EIF4G3: variants seen among roughly 807,000 people sequenced by gnomAD.
EIF4G3 encodes eukaryotic translation initiation factor 4 gamma 3, also known as eIF-4-gamma 3.
EIF4G3 carries 34 observed loss-of-function variants against 186.4 expected under a neutral mutation model. That is an observed-to-expected ratio of 0.18 (90% CI 0.14 to 0.24). EIF4G3 has a LOEUF of 0.24. Among genes scored for constraint, EIF4G3 ranks in the 10% least tolerant of loss-of-function variants. EIF4G3 has a pLI of 1.00. For synonymous variants in EIF4G3, 673 were observed against 679.5 expected (o/e 0.99, Z 0.15); for missense variants, 1,536 against 1,948.5 (o/e 0.79, Z 3.99).
chr1:21,176,720 A>T lies in EIF4G3; in HGVS notation c.-456+2T>A. On this transcript the variant is annotated splice_donor_variant, in intron 1 of 36. Coordinates refer to ENST00000602326, the MANE Select transcript of EIF4G3 (RefSeq NM_001391906.1). LOFTEE classifies it low-confidence loss of function (5UTR_SPLICE). ...CGGGGGCAGGAGGCGGAGAGACCGG[A>T]CCTTTCACGGCAATATCCTCATGGG... 1.5e-6 allele frequency: 1 copy of T among 675,570 alleles called. No homozygotes were observed. The highest frequency in any genetic ancestry group is 2.7e-6 in the Non-Finnish European group (1 of 373,342). 41.8% of individuals were successfully genotyped at this position (675,570 alleles called of 1,614,324 possible). A position where few individuals can be genotyped will look rare whatever the true frequency, so the allele number is the denominator to read the frequency against.
intron 19 of EIF4G3, among the ~76,000 whole-genome samples, chr1:20,883,125 T>C (rs1040468860): frequency 6.6e-6 from 1 of 151,174 alleles, no homozygotes; most frequent in Non-Finnish European, 1.5e-5. Flanking sequence ...ATCTAGTTGA[T>C]GTCCAGTAAA....
chr1:20,855,331 T>TGGTTTATGAATTTGCTAACTGTAATAAGC (rs2074561656), intron 25 of EIF4G3, among the ~76,000 whole-genome samples: 2 of 152,204 alleles, frequency 1.3e-5, no homozygotes, highest in Non-Finnish European at 2.9e-5. Flanking sequence ...CTGTTTAAGA[T>TGGTTTATGAATTTGCTAACTGTAATAAGC]GGTTTATGAA....
chr1:20,951,478 C>T (rs115883798), intron 12 of EIF4G3, among the ~76,000 whole-genome samples: 2,541 of 152,110 alleles, frequency 0.017, 39 homozygotes, highest in Non-Finnish European at 0.023. Flanking sequence ...AATAGCACTG[C>T]TGTAATTACT....
intron 17 of EIF4G3, 46 bp downstream of exon 17, chr1:20,895,322 C>A: frequency 6.3e-7 from 1 of 1,585,492 alleles, no homozygotes; most frequent in South Asian, 1.1e-5. Context: ...TAGTTAAAAT[C>A]AGTTCCCACC....
chr1:21,174,111 T>G (rs747295721), intron 2 of EIF4G3, among the ~76,000 whole-genome samples: 1 of 152,218 alleles, frequency 6.6e-6, no homozygotes, highest in Non-Finnish European at 1.5e-5. Context: ...AAGATTAATT[T>G]TAGCTTCAAT....
intron 4 of EIF4G3, among the ~76,000 whole-genome samples, chr1:21,023,145 GAC>G (rs1241397418): frequency 6.6e-6 from 1 of 151,912 alleles, no homozygotes; most frequent in Admixed American, 6.6e-5. Flanking sequence ...AGTTGAAAAA[GAC>G]ACGATTCCTA....
chr1:20,874,248 TC>T (rs1419321274), intron 20 of EIF4G3, among the ~76,000 whole-genome samples: 3 of 152,170 alleles, frequency 2.0e-5, no homozygotes, highest in Non-Finnish European at 4.4e-5. Flanking sequence ...TGGTTCTAGA[TC>T]CTTGAGGAAT....
intron 10 of EIF4G3, among the ~76,000 whole-genome samples, chr1:20,974,324 T>C (rs2076426583): frequency 6.6e-6 from 1 of 152,202 alleles, no homozygotes; most frequent in Non-Finnish European, 1.5e-5. Flanking sequence ...TCTTGGGGCA[T>C]TCCATGTCTA....
rs796708744 is a variant in EIF4G3 at position 20,980,022 on chromosome 1, G to C, written c.493+312C>G. Among the ~76,000 whole-genome samples, 7 of 152,246 alleles carry C rather than the reference G, an allele frequency of 4.6e-5. No homozygotes were observed. In the East Asian group the frequency reaches 9.7e-4, roughly 21 times the overall value. On this transcript the variant is annotated intron_variant, in intron 10 of 36. Coordinates refer to ENST00000602326, the MANE Select transcript of EIF4G3 (RefSeq NM_001391906.1). ...TAAAGTGCTGGGATTACAGGCGTGA[G>C]CCACCGCGCCCAGCCAAAAAATTAC... is the stretch of plus-strand genomic sequence containing the variant.
intron 3 of EIF4G3, among the ~76,000 whole-genome samples, chr1:21,056,793 T>C (rs763279184): frequency 4.6e-5 from 7 of 152,220 alleles, no homozygotes; most frequent in Non-Finnish European, 1.0e-4. Context: ...TTCTCAATTA[T>C]GAAGGCTGGG....
chr1:21,176,145 G>T, intron 2 of EIF4G3, 30 bp downstream of exon 2: 1 of 370,920 alleles, frequency 2.7e-6, no homozygotes. Flanking sequence ...GACGAGAACC[G>T]AAGGGCCGAC....
chr1:20,877,353 A>C (rs11582426), intron 20 of EIF4G3, among the ~76,000 whole-genome samples: 1,563 of 152,340 alleles, frequency 0.01, 8 homozygotes, highest in Middle Eastern at 0.017. Flanking sequence ...TGAGTTAAAT[A>C]ATCCCTGATT....
At chr1:21,101,824 G>A (rs1346124906) in intron 2 of EIF4G3, among the ~76,000 whole-genome samples, 2 of 151,900 alleles carry the variant, frequency 1.3e-5, no homozygotes, top group African/African-American at 4.8e-5. Flanking sequence ...CAAATAATTT[G>A]TATTCTGCAA....
In EIF4G3 at chr1:20,899,770, C is replaced by G. The variant is rs781480996; in HGVS notation, c.1926G>C (p.Glu642Asp). The G allele has an allele frequency of 1.2e-6, 2 of 1,614,012 alleles. No homozygotes were observed. Among genetic ancestry groups the G allele is most frequent in the South Asian group, 2.2e-5 (2 of 91,088 alleles). Reference protein sequence around the residue: ...PVRNGAESVSEGEGIDANSGS... With the variant: ...PVRNGAESVSDGEGIDANSGS... ...CTGAATTAGCATCTATTCCTTCACCCTCAGAAACACTCTCAGCACCATTAC... is the reference window on the plus strand; with the variant it reads ...CTGAATTAGCATCTATTCCTTCACCGTCAGAAACACTCTCAGCACCATTAC... Residue 642 changes from glutamate to aspartate, a missense_variant, in exon 16 of 37, where the codon GAG (glutamate) becomes GAC (aspartate). Coordinates refer to ENST00000602326, the MANE Select transcript of EIF4G3 (RefSeq NM_001391906.1).
chr1:20,810,664 A>G lies in EIF4G3; in HGVS notation c.4744+74T>C. On this transcript the variant is annotated intron_variant, in intron 36 of 36. Coordinates refer to ENST00000602326, the MANE Select transcript of EIF4G3 (RefSeq NM_001391906.1). This position sits in a 1 kb window ranked among gnomAD's most constrained non-coding sequence, Gnocchi z 4.1. The stretch of plus-strand genomic sequence containing the variant: ...TTTTATTGTCCTTTGTTCGAACCCT[A>G]AATCATCTCTAAGTCCTGGCTTGGA... 3 of 1,519,580 alleles carry G rather than the reference A, an allele frequency of 2.0e-6. No homozygotes were observed. The highest frequency in any genetic ancestry group is 2.7e-6 in the Non-Finnish European group (3 of 1,102,336). 94.1% of individuals were successfully genotyped at this position (1,519,580 alleles called of 1,614,324 possible). A position where few individuals can be genotyped will look rare whatever the true frequency, so the allele number is the denominator to read the frequency against.
chr1:21,170,457 G>A (rs749623262), intron 2 of EIF4G3, among the ~76,000 whole-genome samples: 2 of 151,718 alleles, frequency 1.3e-5, no homozygotes, highest in African/African-American at 2.4e-5. Flanking sequence ...GATCACTTGA[G>A]GTCAGGAGTT....
At chr1:20,904,029 G>A (rs1391981697) in intron 15 of EIF4G3, among the ~76,000 whole-genome samples, 1 of 152,178 alleles carries the variant, frequency 6.6e-6, no homozygotes, top group Admixed American at 6.5e-5. Context: ...AATTGTTAGA[G>A]TAATCCTTAG....
chr1:21,028,354 T>G (rs1571298896), intron 4 of EIF4G3, among the ~76,000 whole-genome samples: 1 of 150,472 alleles, frequency 6.6e-6, no homozygotes, highest in East Asian at 1.9e-4. Context: ...GATAATAAAG[T>G]AAGTTGCCCA....
intron 10 of EIF4G3, among the ~76,000 whole-genome samples, chr1:20,975,420 AC>A (rs2076666576): frequency 6.6e-6 from 1 of 151,760 alleles, no homozygotes; most frequent in South Asian, 2.1e-4. Context: ...TTCTCATGAA[AC>A]ATTTTTGAGC....
Sources: gnomAD v4.1 joint callset for allele counts (sites outside exome capture counted in the v4.1 genomes callset) on GRCh38, gnomAD v4.1.1 for gene constraint, Gnocchi (gnomAD v3.1) non-coding constraint, MANE v1.5 for transcripts, NCBI Gene and HGNC (gene_info 2026-07-23, HGNC 2026-07-21) for gene names.